The following NR4A3 variants were observed in gnomAD, a reference collection of about 807,000 sequenced individuals.
NR4A3 encodes chondrosarcoma, extraskeletal myxoid, fused to EWS.
A neutral mutation model predicts 55.6 loss-of-function variants in NR4A3; 13 were observed. The ratio of observed to expected loss-of-function variants is 0.23; its 90% CI spans 0.15 to 0.37. The LOEUF is 0.37. Among genes scored for constraint, NR4A3 ranks in the 10% least tolerant of loss-of-function variants. The probability of loss-of-function intolerance (pLI) is 1.00; values close to 1 mark genes in which losing one functional copy is unlikely to be tolerated. For missense variants in NR4A3, 646 were observed against 822.8 expected (o/e 0.79, Z 2.63); for synonymous variants, 342 against 357.9 (o/e 0.96, Z 0.50).
intron 7 of NR4A3, among the ~76,000 whole-genome samples, chr9:99,847,877 A>G (rs962053747): frequency 6.6e-6 from 1 of 152,230 alleles, no homozygotes; most frequent in African/African-American, 2.4e-5. Flanking sequence ...TTCCTACTAG[A>G]GATCTGTGGA....
rs967665246 is a variant in NR4A3, at chr9:99,832,903, G to A, written c.1081+85G>A. Reference sequence around the variant, plus strand: ...AAAAGCTAATATTTACATTGGGATGGTGAATTTTTCTAGTTCCTTTTTCCT... The same window carrying A: ...AAAAGCTAATATTTACATTGGGATGATGAATTTTTCTAGTTCCTTTTTCCT... On this transcript the variant is annotated intron_variant, in intron 4 of 7. Coordinates refer to ENST00000395097, the MANE Select transcript of NR4A3 (RefSeq NM_006981.4). 3.2e-6 allele frequency: 4 copies of A among 1,237,810 alleles called. No individual in the cohort carries two copies. The African/African-American group carries it at 6.1e-5, about 19-fold the overall frequency. 76.7% of individuals were successfully genotyped at this position (1,237,810 alleles called of 1,614,324 possible).
In NR4A3 at chr9:99,825,628, T is replaced by C. The variant is rs1246748105; in HGVS notation, c.-176-31T>C. On this transcript the variant is annotated intron_variant, in intron 1 of 7. Coordinates refer to ENST00000395097, the MANE Select transcript of NR4A3 (RefSeq NM_006981.4). The surrounding 1 kb of genome is among the most constrained non-coding windows in gnomAD (Gnocchi z 5.0). ...GTAGTGACCCATCCTGGTCTCACTG[T>C]GACCTATGTCCTCTTTCACCTTGCC... The C allele has an allele frequency of 6.5e-6, 1 of 154,352 alleles. No homozygotes were observed. The highest frequency in any genetic ancestry group is 2.4e-5 in the African/African-American group (1 of 41,524). The allele number at this position is 154,352 out of a possible 1,614,324, so 9.6% of individuals were successfully genotyped here.
At chr9:99,851,290 A>C (rs935445606) in intron 7 of NR4A3, among the ~76,000 whole-genome samples, 6 of 152,222 alleles carry the variant, frequency 3.9e-5, no homozygotes, top group African/African-American at 1.4e-4. Context: ...CATTGCTGTG[A>C]ATATTAATTT....
intron 5 of NR4A3, among the ~76,000 whole-genome samples, chr9:99,835,250 A>G (rs936768944): frequency 6.6e-6 from 1 of 152,240 alleles, no homozygotes; most frequent in Non-Finnish European, 1.5e-5. Flanking sequence ...CACTCTAAAG[A>G]TAAGTATTAT....
intron 6 of NR4A3, among the ~76,000 whole-genome samples, chr9:99,846,500 A>G (rs1316293157): frequency 6.6e-6 from 1 of 152,252 alleles, no homozygotes; most frequent in Non-Finnish European, 1.5e-5. Context: ...GATGATGGAC[A>G]TAATATAAAC....
Position 99,828,896 on chromosome 9 carries a change from C to G in NR4A3, c.854C>G (p.Ser285Trp). The change falls in exon 3 of 8, where the codon TCG (serine) becomes TGG (tryptophan). Residue 285 changes from serine to tryptophan, a missense_variant. This residue lies in a region of NR4A3 where 426 missense variants were observed against 429.4 expected (regional missense o/e 0.99). Coordinates refer to ENST00000395097, the MANE Select transcript of NR4A3 (RefSeq NM_006981.4). The surrounding 1 kb of genome is among the most constrained non-coding windows in gnomAD (Gnocchi z 7.7). The stretch of plus-strand genomic sequence containing the variant: ...CTGCCGTCGCCGCCCAGCAGGAGCT[C>G]GTCGTCTGGCGAGGGCACGTGTGCC... ...PSLPSPPSRS[S>W]SSGEGTCAVC... 1 of 1,506,812 alleles carries G rather than the reference C, an allele frequency of 6.6e-7. No individual in the cohort carries two copies. Among genetic ancestry groups the G allele is most frequent in the East Asian group, 2.7e-5 (1 of 37,260 alleles). 93.3% of individuals were successfully genotyped at this position (1,506,812 alleles called of 1,614,324 possible). A position where few individuals can be genotyped will look rare whatever the true frequency, so the allele number is the denominator to read the frequency against.
intron 1 of NR4A3, among the ~76,000 whole-genome samples, chr9:99,824,141 G>T (rs1827242332): frequency 6.6e-6 from 1 of 152,200 alleles, no homozygotes; most frequent in Non-Finnish European, 1.5e-5. Context: ...AGGCACTGAG[G>T]CTTTGCCTAG....
intron 5 of NR4A3, among the ~76,000 whole-genome samples, chr9:99,839,833 A>G (rs1037632423): frequency 1.6e-4 from 24 of 152,194 alleles, no homozygotes; most frequent in Non-Finnish European, 3.1e-4. Context: ...CAGTAAGCAA[A>G]TATTTCTAGA....
At chr9:99,823,060 A>C (rs1392280278) in intron 1 of NR4A3, among the ~76,000 whole-genome samples, 1 of 152,214 alleles carries the variant, frequency 6.6e-6, no homozygotes, top group Non-Finnish European at 1.5e-5. Flanking sequence ...CGTCGCTGAC[A>C]TGCCGGTTTA....
chr9:99,826,120 A>G (rs1330721844), intron 2 of NR4A3, among the ~76,000 whole-genome samples: 1 of 152,210 alleles, frequency 6.6e-6, no homozygotes, highest in Non-Finnish European at 1.5e-5. Flanking sequence ...TACATTTTTA[A>G]TTTCATTTTT....
chr9:99,862,437 C>T (rs564627537), intron 7 of NR4A3, among the ~76,000 whole-genome samples: 5 of 150,428 alleles, frequency 3.3e-5, no homozygotes, highest in East Asian at 2.0e-4. Flanking sequence ...CTCAGCTACT[C>T]GGGAGGGTGA....
chr9:99,861,061 G>C (rs1031794872), intron 7 of NR4A3, among the ~76,000 whole-genome samples: 2 of 152,154 alleles, frequency 1.3e-5, no homozygotes, highest in African/African-American at 2.4e-5. Flanking sequence ...GAGAAATTAG[G>C]TCACCCAGCT....
chr9:99,865,075 C>T lies in NR4A3; in HGVS notation c.*1208C>T, dbSNP rs1274375532. 2 of 200,844 alleles carry T rather than the reference C, an allele frequency of 1.0e-5. No homozygotes were observed. The highest frequency in any genetic ancestry group is 2.3e-5 in the African/African-American group (1 of 43,512). 12.4% of individuals were successfully genotyped at this position (200,844 alleles called of 1,614,324 possible). A position where few individuals can be genotyped will look rare whatever the true frequency, so the allele number is the denominator to read the frequency against. ...ATTAGTGGGCTGCGTTTCAACATTC[C>T]GTGTTCGTACTCCCTTTTGTATGTT... is the stretch of plus-strand genomic sequence containing the variant. On this transcript the variant is annotated 3_prime_UTR_variant, in exon 8 of 8. Coordinates refer to ENST00000395097, the MANE Select transcript of NR4A3 (RefSeq NM_006981.4). This position sits in a 1 kb window ranked among gnomAD's most constrained non-coding sequence, Gnocchi z 4.3.
In NR4A3 at chr9:99,828,523, C is replaced by G. The variant is rs1168581770; in HGVS notation, c.481C>G (p.Pro161Ala). The change falls in exon 3 of 8, where the codon CCC becomes GCC. Residue 161 changes from proline (P) to alanine (A), a missense_variant. This residue lies in a region of NR4A3 where 426 missense variants were observed against 429.4 expected (regional missense o/e 0.99). Transcript: ENST00000395097. The surrounding 1 kb of genome is among the most constrained non-coding windows in gnomAD (Gnocchi z 7.7). ...QAGALWDEAL[P>A]SAPGCIAPGP... ...GGGGGCGTTATGGGACGAGGCACTG[C>G]CCTCGGCGCCCGGCTGCATCGCACC... 1.3e-6 allele frequency: 2 copies of G among 1,576,748 alleles called. No homozygotes were observed. Among genetic ancestry groups the G allele is most frequent in the East Asian group, 4.5e-5 (2 of 44,446 alleles).
Position 99,844,831 on chromosome 9 carries a change from C to T in NR4A3, c.1437C>T (p.Val479=). 1 of 1,613,804 alleles carries T rather than the reference C, an allele frequency of 6.2e-7. No homozygotes were observed. The highest frequency in any genetic ancestry group is 1.1e-5 in the South Asian group (1 of 91,072). The change falls in exon 6 of 8, where the codon GTC becomes GTT. Residue 479 remains valine, a synonymous_variant. Coordinates refer to ENST00000395097, the MANE Select transcript of NR4A3 (RefSeq NM_006981.4). ...LIESAFLELF[V]LRLSIRSNTA... ...AATCAGCCTTTTTGGAGCTGTTTGT[C>T]CTCAGACTTTCCATCAGGTAATTAC...
At position 99,865,656 on chromosome 9, in the gene NR4A3, A is replaced by G. The variant is rs1167667564; in HGVS notation, c.*1789A>G. The G allele has an allele frequency of 5.1e-6, 1 of 195,370 alleles. No individual in the cohort carries two copies. The highest frequency in any genetic ancestry group is 2.3e-5 in the African/African-American group (1 of 43,222). 12.1% of individuals were successfully genotyped at this position (195,370 alleles called of 1,614,324 possible). On this transcript the variant is annotated 3_prime_UTR_variant, in exon 8 of 8. Transcript: ENST00000395097. This position sits in a 1 kb window ranked among gnomAD's most constrained non-coding sequence, Gnocchi z 4.3. ...TTTGCTTTAGTCTTTTTAAAGGAAAATAACAAAACTATGCTGTTTATATTG... is the reference window on the plus strand; with the variant it reads ...TTTGCTTTAGTCTTTTTAAAGGAAAGTAACAAAACTATGCTGTTTATATTG...
intron 1 of NR4A3, among the ~76,000 whole-genome samples, chr9:99,824,913 C>T (rs994886156): frequency 1.3e-5 from 2 of 152,222 alleles, no homozygotes; most frequent in African/African-American, 2.4e-5. Context: ...CTCCAAGCCG[C>T]CCACCCTCGA....
intron 5 of NR4A3, among the ~76,000 whole-genome samples, chr9:99,842,971 G>A (rs1827681215): frequency 6.6e-6 from 1 of 152,248 alleles, no homozygotes; most frequent in African/African-American, 2.4e-5. Flanking sequence ...CCATGTTAAT[G>A]TGAAGGAAAT....
intron 5 of NR4A3, among the ~76,000 whole-genome samples, chr9:99,844,174 C>T (rs536813976): frequency 3.9e-5 from 6 of 152,300 alleles, no homozygotes; most frequent in Non-Finnish European, 8.8e-5. Flanking sequence ...GACAGCTGTG[C>T]TATAGTGAAA....
Sources: allele counts gnomAD v4.1 joint callset (sites outside exome capture counted in the v4.1 genomes callset), GRCh38; gene constraint gnomAD v4.1.1; regional missense constraint gnomAD v4.1.1; non-coding constraint Gnocchi (gnomAD v3.1); transcripts MANE v1.5; gene names NCBI Gene and HGNC (gene_info 2026-07-23, HGNC 2026-07-21).